Variants in ACKR3 observed in about 807,000 individuals in gnomAD.
ACKR3 encodes atypical chemokine receptor 3.
Under a neutral mutation model 22.4 loss-of-function variants are expected in ACKR3, and 6 were observed. The ratio of observed to expected loss-of-function variants is 0.27; its 90% CI spans 0.15 to 0.53. The LOEUF (loss-of-function observed/expected upper bound fraction) is 0.53. Among genes scored for constraint, ACKR3 ranks in the 20% least tolerant of loss-of-function variants. The probability of loss-of-function intolerance (pLI) is 0.96; values close to 1 mark genes in which losing one functional copy is unlikely to be tolerated. For missense variants in ACKR3, 396 were observed against 475.2 expected (o/e 0.83, Z 1.55); for synonymous variants, 209 against 205.2 (o/e 1.02, Z -0.16).
At chr2:236,552,670 G>T in the ACKR3 span, among the ~76,000 whole-genome samples, 1 of 152,170 alleles carries the variant, frequency 6.6e-6, no homozygotes, top group Non-Finnish European at 1.5e-5. Context: ...GAAGTATTTG[G>T]TTTCAAAGGA....
At chr2:236,544,164 AT>A in the ACKR3 span, among the ~76,000 whole-genome samples, 112 of 150,852 alleles carry the variant, frequency 7.4e-4, no homozygotes, top group African/African-American at 2.6e-3. The surrounding 1 kb of genome is among the most constrained non-coding windows in gnomAD (Gnocchi z 5.0). Context: ...TAATTTTTGT[AT>A]TTTTAGTAGA....
rs765570710 is a variant in ACKR3, at chr2:236,581,404, C to T, written c.939C>T (p.Val313=). The part of the protein sequence containing the change: ...LSLVHCCVNP[V]LYSFINRNYR... ...TGGTGCACTGCTGCGTCAACCCTGT[C>T]CTCTACAGCTTCATCAATCGCAACT... The change falls in exon 2 of 2, where the codon GTC becomes GTT. Residue 313 remains valine (V), a synonymous_variant. Transcript: ENST00000272928. This position sits in a 1 kb window ranked among gnomAD's most constrained non-coding sequence, Gnocchi z 4.4. The T allele has an allele frequency of 2.5e-6, 4 of 1,614,152 alleles. No homozygotes were observed. The highest frequency in any genetic ancestry group is 2.7e-5 in the African/African-American group (2 of 75,058).
the ACKR3 span, among the ~76,000 whole-genome samples, chr2:236,557,048 A>G: frequency 6.6e-6 from 1 of 152,212 alleles, no homozygotes; most frequent in African/African-American, 2.4e-5. Flanking sequence ...ATAAGACGCT[A>G]ATAAAGTTAC....
the ACKR3 span, among the ~76,000 whole-genome samples, chr2:236,556,858 T>C: frequency 6.6e-6 from 1 of 152,172 alleles, no homozygotes; most frequent in Non-Finnish European, 1.5e-5. Flanking sequence ...TGGCTAATTT[T>C]TGTATTTTTA....
upstream of ACKR3, among the ~76,000 whole-genome samples, chr2:236,563,144 G>A (rs751672215): frequency 7.2e-5 from 11 of 152,168 alleles, no homozygotes; most frequent in Non-Finnish European, 1.3e-4. Context: ...TATGTGTTAA[G>A]TTTTCCTAAA....
chr2:236,579,994 G>A lies in ACKR3; in HGVS notation c.-26-446G>A, dbSNP rs144337876. ...GGACACTTGTAATACAGCAGTGCCA[G>A]GAGAGGACAACCCTGCCATTCTTTG... On this transcript the variant is annotated intron_variant, in intron 1 of 1. Transcript: ENST00000272928. Among the ~76,000 whole-genome samples the A allele has an allele frequency of 3.3e-3, 503 of 152,380 alleles. 7 individuals carry two copies. Among genetic ancestry groups the A allele is most frequent in the Admixed American group, 0.028 (422 of 15,314 alleles).
upstream of ACKR3, among the ~76,000 whole-genome samples, chr2:236,567,543 T>C (rs564157686): frequency 7.2e-5 from 11 of 152,320 alleles, no homozygotes; most frequent in East Asian, 1.7e-3. Context: ...AAGCCCTGCT[T>C]GCTTACCCTC....
chr2:236,558,205 G>T, the ACKR3 span, among the ~76,000 whole-genome samples: 4 of 152,202 alleles, frequency 2.6e-5, no homozygotes, highest in African/African-American at 9.7e-5. Context: ...CTGCTCCTTG[G>T]GGAGCAGGGC....
chr2:236,553,184 A>G, the ACKR3 span, among the ~76,000 whole-genome samples: 1 of 144,530 alleles, frequency 6.9e-6, no homozygotes, highest in Non-Finnish European at 1.5e-5. Flanking sequence ...AGAGCAGGTG[A>G]TATCCCTCTC....
the ACKR3 span, among the ~76,000 whole-genome samples, chr2:236,541,442 C>A: frequency 6.6e-6 from 1 of 152,196 alleles, no homozygotes; most frequent in Non-Finnish European, 1.5e-5. Flanking sequence ...ACCTCTTTCT[C>A]TCCTTCTCAG....
the ACKR3 span, among the ~76,000 whole-genome samples, chr2:236,539,252 G>C: frequency 2.1e-5 from 3 of 146,106 alleles, no homozygotes; most frequent in African/African-American, 8.1e-5. Context: ...GTGTGTGTGT[G>C]TGTCTCTCTC....
In ACKR3 at chr2:236,581,645, G is replaced by A. The variant is rs981136735; in HGVS notation, c.*91G>A. The A allele has an allele frequency of 4.1e-5, 61 of 1,481,736 alleles. No homozygotes were observed. The highest frequency in any genetic ancestry group is 5.1e-5 in the Non-Finnish European group (56 of 1,103,274). The allele number at this position is 1,481,736 out of a possible 1,614,324, so 91.8% of individuals were successfully genotyped here. On this transcript the variant is annotated 3_prime_UTR_variant, in exon 2 of 2. Coordinates refer to ENST00000272928, the MANE Select transcript of ACKR3 (RefSeq NM_020311.3). The surrounding 1 kb of genome is among the most constrained non-coding windows in gnomAD (Gnocchi z 4.4). The stretch of plus-strand genomic sequence containing the variant: ...TTCTAGAGCAAAGCAAAGTAGCTTC[G>A]GGTCTTGATGCTTGAGTAGAGTGAA...
At chr2:236,570,560 C>T (rs959328281) in intron 1 of ACKR3, among the ~76,000 whole-genome samples, 5 of 152,298 alleles carry the variant, frequency 3.3e-5, no homozygotes, top group African/African-American at 9.6e-5. Context: ...CTTGATGGCA[C>T]GCTTGCTAAT....
the ACKR3 span, among the ~76,000 whole-genome samples, chr2:236,543,105 G>A: frequency 3.3e-5 from 5 of 152,228 alleles, no homozygotes; most frequent in African/African-American, 1.2e-4. Context: ...ATCTTCCCAG[G>A]TGAGGTGCTA....
At chr2:236,544,785 T>A in the ACKR3 span, among the ~76,000 whole-genome samples, 1 of 152,122 alleles carries the variant, frequency 6.6e-6, no homozygotes, top group Non-Finnish European at 1.5e-5. The surrounding 1 kb of genome is among the most constrained non-coding windows in gnomAD (Gnocchi z 5.0). Flanking sequence ...GTACCAGGTT[T>A]TGTGCTTGGG....
chr2:236,540,046 G>A, the ACKR3 span, among the ~76,000 whole-genome samples: 1 of 152,158 alleles, frequency 6.6e-6, no homozygotes, highest in Non-Finnish European at 1.5e-5. Context: ...GATTTGGGTG[G>A]GGACACAGCC....
At chr2:236,553,183 G>A in the ACKR3 span, among the ~76,000 whole-genome samples, 1 of 145,560 alleles carries the variant, frequency 6.9e-6, no homozygotes, top group African/African-American at 2.8e-5. Flanking sequence ...GAGAGCAGGT[G>A]ATATCCCTCT....
chr2:236,561,510 G>C, the ACKR3 span, among the ~76,000 whole-genome samples: 2 of 150,390 alleles, frequency 1.3e-5, no homozygotes, highest in Non-Finnish European at 2.9e-5. Context: ...AAACACAATT[G>C]ACTTTTTTTT....
chr2:236,554,662 C>T, the ACKR3 span, among the ~76,000 whole-genome samples: 1 of 152,216 alleles, frequency 6.6e-6, no homozygotes, highest in Non-Finnish European at 1.5e-5. Context: ...CCAGCGCAAA[C>T]AGCAGGGGGT....
Sources: allele counts gnomAD v4.1 joint callset (sites outside exome capture counted in the v4.1 genomes callset), GRCh38; gene constraint gnomAD v4.1.1; non-coding constraint Gnocchi (gnomAD v3.1); transcripts MANE v1.5; gene names NCBI Gene and HGNC (gene_info 2026-07-23, HGNC 2026-07-21).